PGM5: variants seen among roughly 807,000 people sequenced by gnomAD.
PGM5 encodes phosphoglucomutase 5.
A neutral mutation model predicts 59.2 loss-of-function variants in PGM5; 23 were observed. The ratio of observed to expected loss-of-function variants is 0.39; its 90% CI spans 0.28 to 0.55. The LOEUF (loss-of-function observed/expected upper bound fraction) is 0.55. Among genes scored for constraint, PGM5 ranks in the 20% least tolerant of loss-of-function variants. The pLI is 0.66. For synonymous variants in PGM5, 214 were observed against 286.0 expected, an observed-to-expected ratio of 0.75 and a Z score of 2.54; for missense variants, 574 against 748.3, an observed-to-expected ratio of 0.77 and a Z score of 2.72.
intron 10 of PGM5, among the ~76,000 whole-genome samples, chr9:68,520,879 A>G (rs1824891627): frequency 1.3e-5 from 2 of 152,256 alleles, no homozygotes; most frequent in African/African-American, 2.4e-5. Flanking sequence ...TTTTACATAT[A>G]ATTAGAGTAT....
At chr9:68,402,792 T>G (rs1554680780) in intron 6 of PGM5, among the ~76,000 whole-genome samples, 1 of 152,118 alleles carries the variant, frequency 6.6e-6, no homozygotes, top group African/African-American at 2.4e-5. Context: ...ACTTCTGGAG[T>G]GAAAGAGCAT....
At chr9:68,528,106 C>T (rs1825018665) in intron 10 of PGM5, among the ~76,000 whole-genome samples, 1 of 152,148 alleles carries the variant, frequency 6.6e-6, no homozygotes, top group African/African-American at 2.4e-5. Context: ...AACTGAATTC[C>T]TCTCCCCCTC....
At chr9:68,521,039 A>T (rs1824893613) in intron 10 of PGM5, among the ~76,000 whole-genome samples, 1 of 152,218 alleles carries the variant, frequency 6.6e-6, no homozygotes. Flanking sequence ...TTCCCTCAGT[A>T]TAAGGGCAGT....
At chr9:68,406,800 G>T (rs1554681179) in intron 6 of PGM5, among the ~76,000 whole-genome samples, 1 of 147,406 alleles carries the variant, frequency 6.8e-6, no homozygotes, top group Non-Finnish European at 1.5e-5. Flanking sequence ...ATGGCGATGG[G>T]GCTTTATGGA....
chr9:68,488,462 C>T (rs1587210634), intron 9 of PGM5, among the ~76,000 whole-genome samples: 1 of 152,340 alleles, frequency 6.6e-6, no homozygotes, highest in Admixed American at 6.5e-5. Flanking sequence ...TACTGCCAAC[C>T]CTGCTGCTGT....
At chr9:68,393,640 A>C (rs1184821956) in intron 6 of PGM5, among the ~76,000 whole-genome samples, 1 of 152,078 alleles carries the variant, frequency 6.6e-6, no homozygotes, top group African/African-American at 2.4e-5. Flanking sequence ...CCCACACCAA[A>C]TGTTGATTAG....
At chr9:68,469,368 A>C (rs1434034117) in intron 7 of PGM5, among the ~76,000 whole-genome samples, 2 of 152,246 alleles carry the variant, frequency 1.3e-5, no homozygotes, top group East Asian at 3.8e-4. Flanking sequence ...TTTAAAAAAA[A>C]AATGAGCACT....
chr9:68,432,641 T>C (rs1823373455), intron 6 of PGM5, among the ~76,000 whole-genome samples: 1 of 152,080 alleles, frequency 6.6e-6, no homozygotes. Flanking sequence ...TATCTCACTC[T>C]GTTACCCAGG....
intron 9 of PGM5, among the ~76,000 whole-genome samples, chr9:68,493,435 A>G (rs1036805091): frequency 2.0e-5 from 3 of 152,242 alleles, no homozygotes; most frequent in African/African-American, 7.2e-5. Flanking sequence ...CAGTAGTTGC[A>G]TATGGTTCAA....
chr9:68,499,490 G>A, intron 10 of PGM5, 129 bp downstream of exon 10: 1 of 950,644 alleles, frequency 1.1e-6, no homozygotes, highest in African/African-American at 1.6e-5. Context: ...TGGAGGACAA[G>A]CTCAGGGCAA....
chr9:68,529,207 G>GTGTGTT (rs1825040467), intron 10 of PGM5, among the ~76,000 whole-genome samples: 1 of 150,344 alleles, frequency 6.7e-6, no homozygotes, highest in Non-Finnish European at 1.5e-5. Flanking sequence ...GTGTGTGTGT[G>GTGTGTT]TGTGGTGAGG....
intron 10 of PGM5, among the ~76,000 whole-genome samples, chr9:68,515,897 G>A (rs563536981): frequency 1.3e-5 from 2 of 152,138 alleles, no homozygotes; most frequent in Non-Finnish European, 2.9e-5. Flanking sequence ...AGCAAGTCAG[G>A]CTTCTGTCTT....
At chr9:68,438,035 C>G (rs1048113669) in intron 6 of PGM5, among the ~76,000 whole-genome samples, 4 of 152,118 alleles carry the variant, frequency 2.6e-5, no homozygotes, top group Non-Finnish European at 4.4e-5. Flanking sequence ...TGCCTGTAAT[C>G]CCAGCACTGT....
intron 10 of PGM5, among the ~76,000 whole-genome samples, chr9:68,524,462 T>C (rs10869001): frequency 0.16 from 24,210 of 152,146 alleles, 2,250 homozygotes; most frequent in East Asian, 0.4. Context: ...AGAAGAAATA[T>C]GTTAGGCACT....
chr9:68,361,964 A>G (rs1834587962), intron 1 of PGM5, among the ~76,000 whole-genome samples: 1 of 151,982 alleles, frequency 6.6e-6, no homozygotes, highest in Non-Finnish European at 1.5e-5. Flanking sequence ...TCAAGCCAGT[A>G]GTCTGTGACG....
At chr9:68,433,105 T>G (rs782604218) in intron 6 of PGM5, among the ~76,000 whole-genome samples, 2 of 152,228 alleles carry the variant, frequency 1.3e-5, no homozygotes, top group Non-Finnish European at 2.9e-5. Flanking sequence ...ATTTCTAAAC[T>G]TGTAGTTTCT....
At chr9:68,457,801 GT>G (rs1823801513) in intron 6 of PGM5, among the ~76,000 whole-genome samples, 1 of 151,440 alleles carries the variant, frequency 6.6e-6, no homozygotes, top group South Asian at 2.1e-4. Context: ...TATTATATAA[GT>G]CATTTTTTTT....
intron 6 of PGM5, among the ~76,000 whole-genome samples, chr9:68,459,442 A>C (rs1823825758): frequency 6.6e-6 from 1 of 152,198 alleles, no homozygotes; most frequent in Non-Finnish European, 1.5e-5. Context: ...TGGTACATAA[A>C]TGAAATCATA....
chr9:68,392,753 T>C (rs1334931143), intron 6 of PGM5, among the ~76,000 whole-genome samples: 3 of 152,124 alleles, frequency 2.0e-5, no homozygotes. Context: ...TATCTTTATA[T>C]GGATTGTCAT....
Sources: gnomAD v4.1 joint callset for allele counts (sites outside exome capture counted in the v4.1 genomes callset) on GRCh38, gnomAD v4.1.1 for gene constraint, MANE v1.5 for transcripts, NCBI Gene and HGNC (gene_info 2026-07-23, HGNC 2026-07-21) for gene names.